OR5T3: variants seen among roughly 807,000 people sequenced by gnomAD.
OR5T3 encodes the protein olfactory receptor 5T3.
Under a neutral mutation model 14.0 loss-of-function variants are expected in OR5T3, and 14 were observed. The ratio of observed to expected loss-of-function variants is 1.00; its 90% CI spans 0.66 to 1.56. The LOEUF (loss-of-function observed/expected upper bound fraction) is 1.56, where lower values mean the gene tolerates loss of function less well. Ranked by LOEUF, OR5T3 falls within the 40% of genes most tolerant of loss-of-function variation. The pLI, the probability that OR5T3 is intolerant of heterozygous loss-of-function variation, is 0.00. For missense variants in OR5T3, 410 were observed against 374.2 expected (o/e 1.10, Z -0.79); for synonymous variants, 150 against 137.2 (o/e 1.09, Z -0.65).
chr11:56,252,259 C>T lies in OR5T3; in HGVS notation c.6C>T (p.Asp2=), dbSNP rs1853578559. 4 of 1,611,936 alleles carry T rather than the reference C, an allele frequency of 2.5e-6. No homozygotes were observed. The highest frequency in any genetic ancestry group is 2.7e-5 in the African/African-American group (2 of 74,942). The stretch of plus-strand genomic sequence containing the variant: ...ACCTGCAAGTAAAAACTGAAATGGA[C>T]AAGTTGTCATCAGGTTTGGATATAT... M[D]KLSSGLDIYR... is the part of the protein sequence containing the mutation. The change falls in exon 1 of 1, where the codon GAC becomes GAT. Residue 2 remains aspartate, a synonymous_variant. Coordinates refer to ENST00000313033, the MANE Select transcript of OR5T3 (RefSeq NM_001004747.2).
At position 56,252,934 on chromosome 11, in the gene OR5T3, C is replaced by T. The variant is rs773096857; in HGVS notation, c.681C>T (p.Leu227=). 2.5e-6 allele frequency: 4 copies of T among 1,613,802 alleles called. No homozygotes were observed. The Admixed American group carries it at 6.7e-5, about 27-fold the overall frequency. ...AGATAGTCACTATCCTGATTGTCCT[C>T]ATTTCCTGTGATTTCATTCTGTTGT... is the stretch of plus-strand genomic sequence containing the variant. The part of the protein sequence containing the change: ...SIEIVTILIV[L]ISCDFILLSI... Residue 227 remains leucine, a synonymous_variant, in exon 1 of 1, where the codon CTC becomes CTT. Coordinates refer to ENST00000313033, the MANE Select transcript of OR5T3 (RefSeq NM_001004747.2).
chr11:56,253,149 C>T lies in OR5T3; in HGVS notation c.896C>T (p.Pro299Leu), dbSNP rs761457530. The T allele has an allele frequency of 6.2e-7, 1 of 1,608,656 alleles. No individual in the cohort carries two copies. The highest frequency in any genetic ancestry group is 8.5e-7 in the Non-Finnish European group (1 of 1,176,436). ...FYTIVIPKLN[P>L]IIYSLRNKEV... ...ACAATTGTGATTCCCAAGTTGAATC[C>T]CATCATCTATAGTTTGAGGAACAAA... Residue 299 changes from proline (P) to leucine (L), a missense_variant, in exon 1 of 1, where the codon CCC becomes CTC. By Grantham distance (98) the Pro-to-Leu change is moderately conservative. Coordinates refer to ENST00000313033, the MANE Select transcript of OR5T3 (RefSeq NM_001004747.2).
At position 56,252,625 on chromosome 11, in the gene OR5T3, T is replaced by C. The variant is rs1853586521; in HGVS notation, c.372T>C (p.Cys124=). 2 of 1,613,862 alleles carry C rather than the reference T, an allele frequency of 1.2e-6. No homozygotes were observed. Among genetic ancestry groups the C allele is most frequent in the East Asian group, 2.2e-5 (1 of 44,872 alleles). ...LLFVTFGTTE[C]FLLAAMAYDH... is the part of the protein sequence containing the mutation. ...TTGTTACTTTTGGAACTACAGAATG[T>C]TTTCTCTTGGCTGCAATGGCTTATG... The change falls in exon 1 of 1, where the codon TGT becomes TGC. Residue 124 remains cysteine (C), a synonymous_variant. Coordinates refer to ENST00000313033, the MANE Select transcript of OR5T3 (RefSeq NM_001004747.2).
Position 56,252,539 on chromosome 11 carries a change from A to T in OR5T3, c.286A>T (p.Asn96Tyr), listed in dbSNP as rs1253562336. ...AGTTGTCACTCCAAAAATGTTGGTC[A>T]ATTTCCTGGCAAAAAATAAATCCAT... is the stretch of plus-strand genomic sequence containing the variant. ...STVVTPKMLV[N>Y]FLAKNKSISF... The change falls in exon 1 of 1, where the codon AAT (asparagine) becomes TAT (tyrosine). Residue 96 changes from asparagine (N) to tyrosine (Y), a missense_variant. Transcript: ENST00000313033. 6.2e-7 allele frequency: 1 copy of T among 1,613,756 alleles called. No homozygotes were observed. Among genetic ancestry groups the T allele is most frequent in the Non-Finnish European group, 8.5e-7 (1 of 1,179,846 alleles).
In OR5T3 at chr11:56,252,387, C is replaced by T. The variant is rs754391793; in HGVS notation, c.134C>T (p.Ala45Val). The change falls in exon 1 of 1, where the codon GCA (alanine) becomes GTA (valine). Residue 45 changes from alanine to valine, a missense_variant. By Grantham distance (64) the Ala-to-Val change is moderately conservative (BLOSUM62 0). Coordinates refer to ENST00000313033, the MANE Select transcript of OR5T3 (RefSeq NM_001004747.2). Reference sequence around the variant, plus strand: ...GTCTTCCTATTTTTACTATTTTTTGCAATCTATCTCTTTACCTTGATAGGC... The same window carrying T: ...GTCTTCCTATTTTTACTATTTTTTGTAATCTATCTCTTTACCTTGATAGGC... ...LQVFLFLLFF[A>V]IYLFTLIGNL... The T allele has an allele frequency of 6.2e-7, 1 of 1,613,252 alleles. No homozygotes were observed. Among genetic ancestry groups the T allele is most frequent in the Admixed American group, 1.7e-5 (1 of 59,886 alleles).
In OR5T3 at chr11:56,252,711, A is replaced by G. The variant is rs1398063035; in HGVS notation, c.458A>G (p.Tyr153Cys). 2 of 1,611,240 alleles carry G rather than the reference A, an allele frequency of 1.2e-6. No homozygotes were observed. The highest frequency in any genetic ancestry group is 3.3e-5 in the Admixed American group (2 of 59,814). ...TCAGTGAGCATGTCACCCAGAGTCT[A>G]TGTGCCACTCATCACTGCTTCCTAC... is the stretch of plus-strand genomic sequence containing the variant. ...LYSVSMSPRV[Y>C]VPLITASYVA... The change falls in exon 1 of 1, where the codon TAT becomes TGT. Residue 153 changes from tyrosine to cysteine, a missense_variant. Physicochemically the swap from Tyr to Cys is radical, Grantham distance 194. Coordinates refer to ENST00000313033, the MANE Select transcript of OR5T3 (RefSeq NM_001004747.2).
chr11:56,252,406 G>T lies in OR5T3; in HGVS notation c.153G>T (p.Leu51Phe), dbSNP rs780288281. 1.2e-6 allele frequency: 2 copies of T among 1,613,496 alleles called. No individual in the cohort carries two copies. The highest frequency in any genetic ancestry group is 1.7e-6 in the Non-Finnish European group (2 of 1,179,644). ...LLFFAIYLFTLIGNLGLVVLV... is the reference protein window; with the variant it reads ...LLFFAIYLFTFIGNLGLVVLV... ...TTTTTGCAATCTATCTCTTTACCTT[G>T]ATAGGCAATTTAGGGCTGGTTGTGT... The change falls in exon 1 of 1, where the codon TTG becomes TTT. Residue 51 changes from leucine to phenylalanine, a missense_variant. Coordinates refer to ENST00000313033, the MANE Select transcript of OR5T3 (RefSeq NM_001004747.2).
At position 56,252,454 on chromosome 11, in the gene OR5T3, C is replaced by G. The variant is rs746654389; in HGVS notation, c.201C>G (p.Leu67=). 2 of 1,613,778 alleles carry G rather than the reference C, an allele frequency of 1.2e-6. No homozygotes were observed. Among genetic ancestry groups the G allele is most frequent in the Middle Eastern group, 1.7e-4 (1 of 6,058 alleles). ...TGTTGGTCATTGAGGATTCCTGGCT[C>G]CACAACCCCATGTATTATTTTCTTA... ...LVVLVIEDSW[L]HNPMYYFLSV... is the part of the protein sequence containing the mutation. The change falls in exon 1 of 1, where the codon CTC becomes CTG. Residue 67 remains leucine (L), a synonymous_variant. Coordinates refer to ENST00000313033, the MANE Select transcript of OR5T3 (RefSeq NM_001004747.2).
At position 56,252,332 on chromosome 11, in the gene OR5T3, A is replaced by G; in HGVS notation, c.79A>G (p.Thr27Ala). 1.2e-6 allele frequency: 2 copies of G among 1,613,638 alleles called. No individual in the cohort carries two copies. The highest frequency in any genetic ancestry group is 1.1e-5 in the South Asian group (1 of 91,072). Residue 27 changes from threonine to alanine, a missense_variant, in exon 1 of 1, where the codon ACA becomes GCA. Thr to Ala is a moderately conservative substitution (Grantham distance 58). Transcript: ENST00000313033. ...NKTEVTMFIL[T>A]GFTDDFELQV... ...GACTGAAGTCACCATGTTTATATTG[A>G]CAGGCTTCACAGATGATTTTGAGCT...
At position 56,253,015 on chromosome 11, in the gene OR5T3, C is replaced by A. The variant is rs776703054; in HGVS notation, c.762C>A (p.Gly254=). The A allele has an allele frequency of 6.8e-6, 11 of 1,613,254 alleles. No individual in the cohort carries two copies. Among genetic ancestry groups the A allele is most frequent in the Admixed American group, 1.7e-5 (1 of 59,948 alleles). Residue 254 remains glycine (G), a synonymous_variant, in exon 1 of 1, where the codon GGC becomes GGA. Transcript: ENST00000313033. ...GGCAAAAGGCCTTCTCTACATGTGG[C>A]TCTCACCTAACTGGAGTGACAATTT... The part of the protein sequence containing the change: ...KGRQKAFSTC[G]SHLTGVTIYH...
chr11:56,252,568 A>G lies in OR5T3; in HGVS notation c.315A>G (p.Ser105=), dbSNP rs1043232833. The change falls in exon 1 of 1, where the codon TCA becomes TCG. Residue 105 remains serine (S), a synonymous_variant. Transcript: ENST00000313033. The part of the protein sequence containing the change: ...VNFLAKNKSI[S]FIGCATQMLL... ...TCCTGGCAAAAAATAAATCCATTTC[A>G]TTTATCGGATGTGCAACACAGATGC... 9 of 1,613,732 alleles carry G rather than the reference A, an allele frequency of 5.6e-6. No homozygotes were observed. In the Admixed American group the frequency reaches 6.7e-5, roughly 12 times the overall value.
Position 56,252,420 on chromosome 11 carries a change from G to A in OR5T3, c.167G>A (p.Gly56Glu). ...CTCTTTACCTTGATAGGCAATTTAG[G>A]GCTGGTTGTGTTGGTCATTGAGGAT... Reference protein sequence around the residue: ...IYLFTLIGNLGLVVLVIEDSW... With the variant: ...IYLFTLIGNLELVVLVIEDSW... Residue 56 changes from glycine to glutamate, a missense_variant, in exon 1 of 1, where the codon GGG becomes GAG. Coordinates refer to ENST00000313033, the MANE Select transcript of OR5T3 (RefSeq NM_001004747.2). 6.2e-7 allele frequency: 1 copy of A among 1,613,498 alleles called. No homozygotes were observed. The highest frequency in any genetic ancestry group is 8.5e-7 in the Non-Finnish European group (1 of 1,179,690).
rs1404402266 is a variant in OR5T3, at chr11:56,252,475, T to C, written c.222T>C (p.Phe74=). The change falls in exon 1 of 1, where the codon TTT becomes TTC. Residue 74 remains phenylalanine, a synonymous_variant. Transcript: ENST00000313033. ...GGCTCCACAACCCCATGTATTATTT[T>C]CTTAGTGTTTTATCATTCTTGGATG... is the stretch of plus-strand genomic sequence containing the variant. ...DSWLHNPMYY[F]LSVLSFLDAC... 6.2e-7 allele frequency: 1 copy of C among 1,613,810 alleles called. No individual in the cohort carries two copies. The highest frequency in any genetic ancestry group is 1.3e-5 in the African/African-American group (1 of 74,916).
rs748210366 is a variant in OR5T3, at chr11:56,253,098, A to T, written c.845A>T (p.His282Leu). The T allele has an allele frequency of 1.9e-6, 3 of 1,612,260 alleles. No individual in the cohort carries two copies. Among genetic ancestry groups the T allele is most frequent in the Non-Finnish European group, 1.7e-6 (2 of 1,178,596 alleles). ...CCAAGTTCCAGCTATGCTTCAGACC[A>T]TGACATCATAGTGTCAATATTTTAC... The part of the protein sequence containing the change: ...MRPSSSYASD[H>L]DIIVSIFYTI... Residue 282 changes from histidine (H) to leucine (L), a missense_variant, in exon 1 of 1, where the codon CAT (histidine) becomes CTT (leucine). Physicochemically the swap from His to Leu is moderately conservative, Grantham distance 99. Coordinates refer to ENST00000313033, the MANE Select transcript of OR5T3 (RefSeq NM_001004747.2).
In OR5T3 at chr11:56,252,583, A is replaced by T. The variant is rs765566403; in HGVS notation, c.330A>T (p.Ala110=). Residue 110 remains alanine, a synonymous_variant, in exon 1 of 1, where the codon GCA becomes GCT. Transcript: ENST00000313033. ...KNKSISFIGC[A]TQMLLFVTFG... ...AATCCATTTCATTTATCGGATGTGC[A>T]ACACAGATGCTTCTTTTTGTTACTT... 6.2e-7 allele frequency: 1 copy of T among 1,613,928 alleles called. No individual in the cohort carries two copies. The highest frequency in any genetic ancestry group is 8.5e-7 in the Non-Finnish European group (1 of 1,179,858).
rs1261445356 is a variant in OR5T3, at chr11:56,252,495, T to G, written c.242T>G (p.Leu81Trp). ...TATTTTCTTAGTGTTTTATCATTCT[T>G]GGATGCTTGCTATTCTACAGTTGTC... ...MYYFLSVLSF[L>W]DACYSTVVTP... Residue 81 changes from leucine (L) to tryptophan (W), a missense_variant, in exon 1 of 1, where the codon TTG becomes TGG. Leu to Trp is a moderately conservative substitution (Grantham distance 61). Transcript: ENST00000313033. 2 of 1,613,952 alleles carry G rather than the reference T, an allele frequency of 1.2e-6. No homozygotes were observed. The highest frequency in any genetic ancestry group is 2.2e-5 in the South Asian group (2 of 91,078).
In OR5T3 at chr11:56,252,272, G is replaced by C. The variant is rs761277163; in HGVS notation, c.19G>C (p.Gly7Arg). 1 of 1,612,400 alleles carries C rather than the reference G, an allele frequency of 6.2e-7. No homozygotes were observed. Among genetic ancestry groups the C allele is most frequent in the Non-Finnish European group, 8.5e-7 (1 of 1,178,710 alleles). Residue 7 changes from glycine (G) to arginine (R), a missense_variant, in exon 1 of 1, where the codon GGT (glycine) becomes CGT (arginine). Physicochemically the swap from Gly to Arg is moderately radical, Grantham distance 125. Transcript: ENST00000313033. Reference sequence around the variant, plus strand: ...AACTGAAATGGACAAGTTGTCATCAGGTTTGGATATATACAGGAATCCACT... The same window carrying C: ...AACTGAAATGGACAAGTTGTCATCACGTTTGGATATATACAGGAATCCACT... MDKLSSGLDIYRNPLKN... is the reference protein window; with the variant it reads MDKLSSRLDIYRNPLKN...
In OR5T3 at chr11:56,252,880, T is replaced by A. The variant is rs1853593718; in HGVS notation, c.627T>A (p.Leu209=). The A allele has an allele frequency of 6.2e-7, 1 of 1,613,662 alleles. No individual in the cohort carries two copies. The highest frequency in any genetic ancestry group is 8.5e-7 in the Non-Finnish European group (1 of 1,179,618). ...ISCSDTHTNQ[L]LLFYFVGSIE... ...GTTCTGACACTCACACAAACCAGCT[T>A]CTACTCTTCTACTTTGTGGGTTCTA... The change falls in exon 1 of 1, where the codon CTT becomes CTA. Residue 209 remains leucine (L), a synonymous_variant. Transcript: ENST00000313033.
chr11:56,253,062 GTT>G lies in OR5T3; in HGVS notation c.810_811del (p.Ser270ArgfsTer13). Reference sequence around the variant, plus strand: ...ATTTATCATGGAACAATTCTCGTCAGTTATATGAGACCAAGTTCCAGCTATGC... The same window carrying G: ...ATTTATCATGGAACAATTCTCGTCAGATATGAGACCAAGTTCCAGCTATGC... On this transcript the variant is annotated frameshift_variant, in exon 1 of 1. Coordinates refer to ENST00000313033, the MANE Select transcript of OR5T3 (RefSeq NM_001004747.2). LOFTEE classifies it high-confidence loss of function. The G allele has an allele frequency of 3.1e-6, 5 of 1,613,676 alleles. No individual in the cohort carries two copies. Among genetic ancestry groups the G allele is most frequent in the Non-Finnish European group, 4.2e-6 (5 of 1,179,748 alleles).
Sources: allele counts gnomAD v4.1 joint callset, GRCh38; gene constraint gnomAD v4.1.1; transcripts MANE v1.5; gene names NCBI Gene and HGNC (gene_info 2026-07-23, HGNC 2026-07-21).